Variants in TMEM8B observed in about 807,000 individuals in gnomAD.
The protein encoded by TMEM8B is nasopharyngeal carcinoma expressed 6.
TMEM8B carries 29 observed loss-of-function variants against 49.3 expected under a neutral mutation model. That is an observed-to-expected ratio of 0.59 (90% CI 0.44 to 0.80). TMEM8B has a LOEUF of 0.80. Among genes scored for constraint, TMEM8B ranks in the 30% least tolerant of loss-of-function variants. The pLI is 0.00. For synonymous variants in TMEM8B, 264 were observed against 272.8 expected (o/e 0.97, Z 0.32); for missense variants, 575 against 658.5 (o/e 0.87, Z 1.39).
chr9:35,841,907 C>A lies in TMEM8B; in HGVS notation c.1309+113C>A. The A allele has an allele frequency of 2.4e-6, 1 of 411,504 alleles. No homozygotes were observed. The allele number at this position is 411,504 out of a possible 1,614,324, so 25.5% of individuals were successfully genotyped here. ...TATCCCTACAACCTCCCCTCCCCAT[C>A]CCAAGCTCCTTCATGCTCCCTGAAG... On this transcript the variant is annotated intron_variant, in intron 5 of 12. Transcript: ENST00000643932. This position sits in a 1 kb window ranked among gnomAD's most constrained non-coding sequence, Gnocchi z 5.9.
chr9:35,841,317 A>T lies in TMEM8B; in HGVS notation c.1040+50A>T. The T allele has an allele frequency of 2.4e-6, 1 of 416,656 alleles. No individual in the cohort carries two copies. Among genetic ancestry groups the T allele is most frequent in the Non-Finnish European group, 4.4e-6 (1 of 227,238 alleles). 25.8% of individuals were successfully genotyped at this position (416,656 alleles called of 1,614,324 possible). A position where few individuals can be genotyped will look rare whatever the true frequency, so the allele number is the denominator to read the frequency against. On this transcript the variant is annotated intron_variant, in intron 4 of 12. Transcript: ENST00000643932. This position sits in a 1 kb window ranked among gnomAD's most constrained non-coding sequence, Gnocchi z 5.9. ...GGTCCTTTCCCTCTTCTGTGGCCTCATACAGGCTGCAGGGTTCTCTCTTGG... is the reference window on the plus strand; with the variant it reads ...GGTCCTTTCCCTCTTCTGTGGCCTCTTACAGGCTGCAGGGTTCTCTCTTGG...
rs200002780 is a variant in TMEM8B at position 35,842,506 on chromosome 9, C to T, written c.1424C>T (p.Ala475Val). ...PPEPPSLGTP[A>V]EGPGTTSPPE... ...GAACCGCCATCCCTTGGAACCCCTG[C>T]GGAGGGGCCTGGGACCACGTCCCCA... Residue 475 changes from alanine to valine, a missense_variant, in exon 6 of 13, where the codon GCG (alanine) becomes GTG (valine). Coordinates refer to ENST00000643932, the MANE Select transcript of TMEM8B (RefSeq NM_001042590.4). The surrounding 1 kb of genome is among the most constrained non-coding windows in gnomAD (Gnocchi z 5.6). The T allele has an allele frequency of 5.8e-5, 93 of 1,611,334 alleles. No homozygotes were observed. The African/African-American group carries it at 8.1e-4, about 14-fold the overall frequency.
Position 35,854,307 on chromosome 9 carries a change from T to G in TMEM8B, c.*467T>G, listed in dbSNP as rs1406157820. ...CTTCCCAGAGGCAGCGTCTGGGCTG[T>G]GCTGTGCTGTGGAGGAGGGATTGCA... is the stretch of plus-strand genomic sequence containing the variant. On this transcript the variant is annotated 3_prime_UTR_variant, in exon 13 of 13. Transcript: ENST00000643932. 6.4e-6 allele frequency: 1 copy of G among 155,630 alleles called. No homozygotes were observed. Among genetic ancestry groups the G allele is most frequent in the African/African-American group, 2.4e-5 (1 of 41,500 alleles). 9.6% of individuals were successfully genotyped at this position (155,630 alleles called of 1,614,324 possible).
chr9:35,832,533 C>T (rs68158112), intron 1 of TMEM8B, among the ~76,000 whole-genome samples: 31,594 of 151,954 alleles, frequency 0.21, 3,521 homozygotes, highest in East Asian at 0.37. Context: ...TCCCCAGTTC[C>T]CCAGGCCATA....
Position 35,846,536 on chromosome 9 carries a change from G to C in TMEM8B, c.1921G>C (p.Asp641His). The change falls in exon 9 of 13, where the codon GAC becomes CAC. Residue 641 changes from aspartate to histidine, a missense_variant. Coordinates refer to ENST00000643932, the MANE Select transcript of TMEM8B (RefSeq NM_001042590.4). The part of the protein sequence containing the change: ...MRTFLSPCVD[D>H]CGPYGQCKLL... ...CACCTTCCTGTCCCCATGCGTGGAC[G>C]ACTGCGGGCCCTACGGCCAGTGCAA... 1 of 1,583,216 alleles carries C rather than the reference G, an allele frequency of 6.3e-7. No individual in the cohort carries two copies. Among genetic ancestry groups the C allele is most frequent in the Non-Finnish European group, 8.6e-7 (1 of 1,164,620 alleles).
intron 3 of TMEM8B, among the ~76,000 whole-genome samples, chr9:35,836,758 G>A (rs1349405985): frequency 6.6e-6 from 1 of 152,178 alleles, no homozygotes; most frequent in African/African-American, 2.4e-5. Flanking sequence ...GCGGGGCCTG[G>A]GGAACTTGGT....
Position 35,846,337 on chromosome 9 carries a change from G to T in TMEM8B, c.1809G>T (p.Gly603=). 2.5e-6 allele frequency: 4 copies of T among 1,614,160 alleles called. No homozygotes were observed. The highest frequency in any genetic ancestry group is 3.4e-6 in the Non-Finnish European group (4 of 1,180,034). ...ARLRIPFPQT[G]TWFLALRSLC... ...TGCGAATCCCATTCCCGCAGACGGG[G>T]ACCTGGTTCCTGGCCCTCCGCTCCC... Residue 603 remains glycine, a synonymous_variant, in exon 8 of 13, where the codon GGG becomes GGT. Transcript: ENST00000643932.
rs1171329908 is a variant in TMEM8B at position 35,854,635 on chromosome 9, G to A, written c.*795G>A. ...CTATTCCCCAATTCCTATTGAGCCC[G>A]ATTTGCAGTATCTGAGGGGTGTGTG... is the stretch of plus-strand genomic sequence containing the variant. On this transcript the variant is annotated 3_prime_UTR_variant, in exon 13 of 13. Coordinates refer to ENST00000643932, the MANE Select transcript of TMEM8B (RefSeq NM_001042590.4). 6.6e-6 allele frequency: 1 copy of A among 151,232 alleles called. No individual in the cohort carries two copies. Among genetic ancestry groups the A allele is most frequent in the Admixed American group, 6.6e-5 (1 of 15,070 alleles). 9.4% of individuals were successfully genotyped at this position (151,232 alleles called of 1,614,324 possible).
chr9:35,832,853 C>A (rs979090519), intron 1 of TMEM8B, among the ~76,000 whole-genome samples: 1 of 152,262 alleles, frequency 6.6e-6, no homozygotes, highest in South Asian at 2.1e-4. Context: ...CTAGGAAACC[C>A]GTCTCTTCCA....
Position 35,855,416 on chromosome 9 carries a change from G to A in TMEM8B, c.*1576G>A, listed in dbSNP as rs148859079. The stretch of plus-strand genomic sequence containing the variant: ...TCCTGAATCTTTTTTTTTTTGAGAC[G>A]GAGTTTTGCTCTTGTTGCCCAGGCT... On this transcript the variant is annotated 3_prime_UTR_variant, in exon 13 of 13. Coordinates refer to ENST00000643932, the MANE Select transcript of TMEM8B (RefSeq NM_001042590.4). 1.3e-3 allele frequency: 195 copies of A among 151,150 alleles called. No individual in the cohort carries two copies. The highest frequency in any genetic ancestry group is 3.1e-3 in the African/African-American group (126 of 41,154). 9.4% of individuals were successfully genotyped at this position (151,150 alleles called of 1,614,324 possible). A position where few individuals can be genotyped will look rare whatever the true frequency, so the allele number is the denominator to read the frequency against.
rs374527850 is a variant in TMEM8B, at chr9:35,845,928, G to A, written c.1636-47G>A. 129 of 1,609,930 alleles carry A rather than the reference G, an allele frequency of 8.0e-5. 1 individual carries two copies. In the African/African-American group the frequency reaches 1.6e-3, roughly 20 times the overall value. ...TGGGAGTCTGAGGGTGGCGGTGGGTGGAGATGGAGGATGTGGCGGCCTCAC... is the reference window on the plus strand; with the variant it reads ...TGGGAGTCTGAGGGTGGCGGTGGGTAGAGATGGAGGATGTGGCGGCCTCAC... On this transcript the variant is annotated intron_variant, in intron 6 of 12. Transcript: ENST00000643932.
At chr9:35,834,339 C>G (rs1048933523) in intron 1 of TMEM8B, 122 bp from the exon 2 acceptor site, 3 of 398,380 alleles carry the variant, frequency 7.5e-6, no homozygotes, top group Non-Finnish European at 1.3e-5. Flanking sequence ...AAACCCAGTT[C>G]CTGGCTCAGA....
chr9:35,846,361 CCTGTGCGGGGTGGGGCCTCGGTGAG>C lies in TMEM8B; in HGVS notation c.1835_1853+6del. ...GGACCTGGTTCCTGGCCCTCCGCTC[CCTGTGCGGGGTGGGGCCTCGGTGAG>C]CGGTGCGGGGCGGGGCCAGGGCTGG... is the stretch of plus-strand genomic sequence containing the variant. On this transcript the variant is annotated splice_donor_variant and splice_donor_5th_base_variant and coding_sequence_variant and intron_variant, in exon 8 of 13. Transcript: ENST00000643932. LOFTEE classifies it high-confidence loss of function. 1 of 1,613,664 alleles carries C rather than the reference CCTGTGCGGGGTGGGGCCTCGGTGAG, an allele frequency of 6.2e-7. No individual in the cohort carries two copies. The highest frequency in any genetic ancestry group is 8.5e-7 in the Non-Finnish European group (1 of 1,179,930).
rs931213537 is a variant in TMEM8B at position 35,858,816 on chromosome 9, T to C, written c.*4976T>C. 6.6e-6 allele frequency: 1 copy of C among 152,236 alleles called. No homozygotes were observed. Among genetic ancestry groups the C allele is most frequent in the Non-Finnish European group, 1.5e-5 (1 of 68,048 alleles). The allele number at this position is 152,236 out of a possible 1,614,324, so 9.4% of individuals were successfully genotyped here. A position where few individuals can be genotyped will look rare whatever the true frequency, so the allele number is the denominator to read the frequency against. On this transcript the variant is annotated 3_prime_UTR_variant, in exon 13 of 13. Coordinates refer to ENST00000643932, the MANE Select transcript of TMEM8B (RefSeq NM_001042590.4). ...GTGTAGGCTTTGTTACTTTCCCTTT[T>C]CTTTTTGTCATGGTGACCAGCAGTG...
rs778555600 is a variant in TMEM8B at position 35,842,748 on chromosome 9, C to T, written c.1635+31C>T. ...CTTTATGGAGAGTGGGGAGGTTGCT[C>T]TGCCAGGGAGCTTGAAGGGGAAGGT... On this transcript the variant is annotated intron_variant, in intron 6 of 12. Coordinates refer to ENST00000643932, the MANE Select transcript of TMEM8B (RefSeq NM_001042590.4). The surrounding 1 kb of genome is among the most constrained non-coding windows in gnomAD (Gnocchi z 5.6). 3.2e-6 allele frequency: 5 copies of T among 1,577,626 alleles called. No individual in the cohort carries two copies. The Admixed American group carries it at 7.1e-5, about 22-fold the overall frequency.
chr9:35,837,089 T>TA (rs1830514977), intron 3 of TMEM8B, among the ~76,000 whole-genome samples: 1 of 152,168 alleles, frequency 6.6e-6, no homozygotes, highest in Non-Finnish European at 1.5e-5. Flanking sequence ...CTTCCCCTAC[T>TA]ATGGCATGCT....
rs1039998899 is a variant in TMEM8B, at chr9:35,853,863, G to T, written c.*23G>T. 2.0e-6 allele frequency: 3 copies of T among 1,516,144 alleles called. No individual in the cohort carries two copies. Among genetic ancestry groups the T allele is most frequent in the Non-Finnish European group, 2.6e-6 (3 of 1,138,316 alleles). 93.9% of individuals were successfully genotyped at this position (1,516,144 alleles called of 1,614,324 possible). ...TGAGAGGGGCTTTGGGCCTGGCCCT[G>T]AGGGGATATGAATGCTTCCTAGAGT... is the stretch of plus-strand genomic sequence containing the variant. On this transcript the variant is annotated 3_prime_UTR_variant, in exon 13 of 13. Transcript: ENST00000643932. This position sits in a 1 kb window ranked among gnomAD's most constrained non-coding sequence, Gnocchi z 4.2.
chr9:35,850,486 C>T lies in TMEM8B; in HGVS notation c.2176-2341C>T, dbSNP rs1008598187. On this transcript the variant is annotated intron_variant, in intron 10 of 12. Coordinates refer to ENST00000643932, the MANE Select transcript of TMEM8B (RefSeq NM_001042590.4). ...GGTTTTTAGTGGACTAATTCCCTCACACTACAATTTTAATTTAACTCTACC... is the reference window on the plus strand; with the variant it reads ...GGTTTTTAGTGGACTAATTCCCTCATACTACAATTTTAATTTAACTCTACC... Among the ~76,000 whole-genome samples the T allele has an allele frequency of 7.2e-5, 11 of 152,284 alleles. No homozygotes were observed. The East Asian group carries it at 1.2e-3, about 16-fold the overall frequency.
intron 2 of TMEM8B, 66 bp from the exon 3 acceptor site, chr9:35,834,944 CT>C (rs2132238040): frequency 2.4e-6 from 1 of 415,378 alleles, no homozygotes. Flanking sequence ...TCTTTTCTTT[CT>C]TTCTTTCATT....
Sources: gnomAD v4.1 joint callset for allele counts (sites outside exome capture counted in the v4.1 genomes callset) on GRCh38, gnomAD v4.1.1 for gene constraint, Gnocchi (gnomAD v3.1) non-coding constraint, MANE v1.5 for transcripts, NCBI Gene and HGNC (gene_info 2026-07-23, HGNC 2026-07-21) for gene names.